The following TMEM132B variants were observed in gnomAD, a reference collection of about 807,000 sequenced individuals.
The protein encoded by TMEM132B is transmembrane protein 132B.
TMEM132B carries 18 observed loss-of-function variants against 90.8 expected under a neutral mutation model. The observed-to-expected ratio is 0.20, with a 90% CI of 0.14 to 0.29. The LOEUF is 0.29. TMEM132B is among the 10% of genes least tolerant of loss of function. The probability of loss-of-function intolerance (pLI) is 1.00; values close to 1 mark genes in which losing one functional copy is unlikely to be tolerated. For missense variants in TMEM132B, 1,096 were observed against 1,326.8 expected (o/e 0.83, Z 2.70); for synonymous variants, 504 against 523.3 (o/e 0.96, Z 0.50).
chr12:125,534,116 C>G (rs1313471049), intron 4 of TMEM132B, among the ~76,000 whole-genome samples: 2 of 152,132 alleles, frequency 1.3e-5, no homozygotes, highest in Non-Finnish European at 2.9e-5. Context: ...TTATTAAGGG[C>G]TAGGTCCTTC....
chr12:125,522,460 A>G (rs942789421), intron 4 of TMEM132B, among the ~76,000 whole-genome samples: 1 of 152,222 alleles, frequency 6.6e-6, no homozygotes, highest in Non-Finnish European at 1.5e-5. Flanking sequence ...GGGCTGAACT[A>G]TAATGCTGAA....
intron 3 of TMEM132B, among the ~76,000 whole-genome samples, chr12:125,437,705 A>C (rs947936361): frequency 9.2e-5 from 14 of 152,214 alleles, no homozygotes; most frequent in African/African-American, 3.1e-4. Context: ...ACGCTGAGTG[A>C]AAGAAGCCAG....
At chr12:125,624,966 C>T (rs566479848) in intron 5 of TMEM132B, among the ~76,000 whole-genome samples, 1 of 152,190 alleles carries the variant, frequency 6.6e-6, no homozygotes, top group African/African-American at 2.4e-5. Context: ...ACCCGAAGAA[C>T]AGTTCTGTCG....
intron 2 of TMEM132B, among the ~76,000 whole-genome samples, chr12:125,373,836 C>G (rs1878385123): frequency 6.6e-6 from 1 of 152,138 alleles, no homozygotes; most frequent in African/African-American, 2.4e-5. Flanking sequence ...ACTCTGTCTC[C>G]CAGGCAGGAG....
In TMEM132B at chr12:125,407,603, C is replaced by T. The variant is rs1879538461; in HGVS notation, c.960-7928C>T. On this transcript the variant is annotated intron_variant, in intron 2 of 8. Transcript: ENST00000682704. This position sits in a 1 kb window ranked among gnomAD's most constrained non-coding sequence, Gnocchi z 6.7. ...TCTACAGCAGCTAGAATGTCTCTCTCCCTGGTCCAACCAGGAGGGATGCTC... is the reference window on the plus strand; with the variant it reads ...TCTACAGCAGCTAGAATGTCTCTCTTCCTGGTCCAACCAGGAGGGATGCTC... 6.6e-6 allele frequency among the ~76,000 whole-genome samples: 1 copy of T among 152,220 alleles called. No homozygotes were observed. The highest frequency in any genetic ancestry group is 2.4e-5 in the African/African-American group (1 of 41,460).
At chr12:125,495,188 C>T (rs1305394983) in intron 3 of TMEM132B, among the ~76,000 whole-genome samples, 10 of 136,508 alleles carry the variant, frequency 7.3e-5, no homozygotes, top group African/African-American at 2.8e-4. Flanking sequence ...CCCCCTCCTC[C>T]CTGGCAATGG....
chr12:125,341,098 C>A (rs12319093), intron 1 of TMEM132B, among the ~76,000 whole-genome samples: 3 of 152,188 alleles, frequency 2.0e-5, no homozygotes, highest in African/African-American at 7.2e-5. Flanking sequence ...TCACTGATTA[C>A]GCTCTTACAA....
At chr12:125,558,848 A>G (rs540701900) in intron 4 of TMEM132B, among the ~76,000 whole-genome samples, 1 of 152,168 alleles carries the variant, frequency 6.6e-6, no homozygotes, top group Non-Finnish European at 1.5e-5. Context: ...GCAAAGGGCA[A>G]ATGAACTTGA....
At chr12:125,319,778 G>A (rs955218963) in intron 1 of TMEM132B, among the ~76,000 whole-genome samples, 1 of 152,212 alleles carries the variant, frequency 6.6e-6, no homozygotes, top group African/African-American at 2.4e-5. Flanking sequence ...CCTGTGGGAG[G>A]CTGAGGTGGG....
chr12:125,591,020 C>T (rs1017763457), intron 5 of TMEM132B, among the ~76,000 whole-genome samples: 9 of 150,746 alleles, frequency 6.0e-5, no homozygotes, highest in African/African-American at 9.7e-5. Context: ...TGCACGCCCG[C>T]GTGTGTGTGT....
At chr12:125,625,424 C>T (rs974492356) in intron 5 of TMEM132B, among the ~76,000 whole-genome samples, 5 of 152,142 alleles carry the variant, frequency 3.3e-5, no homozygotes, top group Non-Finnish European at 5.9e-5. Flanking sequence ...TGAGCCACCG[C>T]GCCCGGTCAG....
intron 5 of TMEM132B, among the ~76,000 whole-genome samples, chr12:125,628,332 A>C (rs1428901298): frequency 6.6e-6 from 1 of 152,042 alleles, no homozygotes; most frequent in Non-Finnish European, 1.5e-5. Context: ...TCTTGGATAA[A>C]AGCCATTTTA....
rs963261576 is a variant in TMEM132B, at chr12:125,508,802, A to C, written c.1107-10637A>C. ...TTTCTTTTTTTTTTTTTTTAGAGAC[A>C]GAGTCTCACTCTGTCGCCCAGCCTG... On this transcript the variant is annotated intron_variant, in intron 3 of 8. Coordinates refer to ENST00000682704, the MANE Select transcript of TMEM132B (RefSeq NM_001366854.1). 6.1e-5 allele frequency among the ~76,000 whole-genome samples: 9 copies of C among 146,506 alleles called. No homozygotes were observed. In the Admixed American group the frequency reaches 6.2e-4, roughly 10 times the overall value.
At chr12:125,339,556 T>C (rs188300088) in intron 1 of TMEM132B, among the ~76,000 whole-genome samples, 2 of 152,288 alleles carry the variant, frequency 1.3e-5, no homozygotes, top group Admixed American at 1.3e-4. Flanking sequence ...CCATCCTCAG[T>C]AAAAGGCAGA....
At chr12:125,255,051 G>T (rs1327264333) in intron 1 of TMEM132B, among the ~76,000 whole-genome samples, 2 of 152,156 alleles carry the variant, frequency 1.3e-5, no homozygotes, top group African/African-American at 2.4e-5. Flanking sequence ...CCTCCTCTTT[G>T]ATTTGATGAT....
At chr12:125,473,292 G>A (rs1270767589) in intron 3 of TMEM132B, among the ~76,000 whole-genome samples, 2 of 151,928 alleles carry the variant, frequency 1.3e-5, no homozygotes, top group African/African-American at 2.4e-5. Context: ...TTTCCAAAAG[G>A]CCCACCCCCC....
At chr12:125,633,973 C>T (rs1886423647) in intron 5 of TMEM132B, among the ~76,000 whole-genome samples, 1 of 152,178 alleles carries the variant, frequency 6.6e-6, no homozygotes, top group African/African-American at 2.4e-5. Context: ...CTACAATCAG[C>T]AGGTGGCAAA....
chr12:125,366,813 A>G (rs1878147425), intron 2 of TMEM132B, among the ~76,000 whole-genome samples: 1 of 152,132 alleles, frequency 6.6e-6, no homozygotes, highest in Non-Finnish European at 1.5e-5. Flanking sequence ...ATACTAGACT[A>G]TCTATTATTA....
chr12:125,443,082 C>T (rs1880918027), intron 3 of TMEM132B, among the ~76,000 whole-genome samples: 1 of 152,200 alleles, frequency 6.6e-6, no homozygotes. Flanking sequence ...CTGAGAGAGG[C>T]ATGCTGAGAG....
Sources: allele counts gnomAD v4.1 joint callset (sites outside exome capture counted in the v4.1 genomes callset), GRCh38; gene constraint gnomAD v4.1.1; non-coding constraint Gnocchi (gnomAD v3.1); transcripts MANE v1.5; gene names NCBI Gene and HGNC (gene_info 2026-07-23, HGNC 2026-07-21).